ANKRD35: variants seen among roughly 807,000 people sequenced by gnomAD.
ANKRD35 encodes the protein ankyrin repeat domain-containing protein 35.
Under a neutral mutation model 109.9 loss-of-function variants are expected in ANKRD35, and 102 were observed. The ratio of observed to expected loss-of-function variants is 0.93; its 90% CI spans 0.79 to 1.09. The LOEUF (loss-of-function observed/expected upper bound fraction) is 1.09. Ranked by LOEUF, ANKRD35 falls within the 50% of genes least tolerant of loss-of-function variation. ANKRD35 has a pLI of 0.00. For missense variants in ANKRD35, 1,240 were observed against 1,230.1 expected (o/e 1.01, Z -0.12); for synonymous variants, 515 against 512.4 (o/e 1.01, Z -0.07).
intron 1 of ANKRD35, among the ~76,000 whole-genome samples, chr1:145,881,914 G>A (rs1020866164): frequency 1.3e-5 from 2 of 148,940 alleles, no homozygotes; most frequent in Non-Finnish European, 3.0e-5. Context: ...TGGTAAAGAT[G>A]CTTCTTAGCA....
chr1:145,880,182 CA>C (rs1187465755), intron 1 of ANKRD35, among the ~76,000 whole-genome samples: 1 of 152,128 alleles, frequency 6.6e-6, no homozygotes, highest in African/African-American at 2.4e-5. Context: ...TCTATCATTC[CA>C]GCTTGGGTTT....
chr1:145,875,864 C>A (rs1164442533), intron 7 of ANKRD35, among the ~76,000 whole-genome samples: 1 of 152,184 alleles, frequency 6.6e-6, no homozygotes, highest in African/African-American at 2.4e-5. Flanking sequence ...AAAGGATCCT[C>A]TTGCATAAAA....
chr1:145,877,373 C>G (rs1398297677), intron 4 of ANKRD35, among the ~76,000 whole-genome samples: 1 of 151,928 alleles, frequency 6.6e-6, no homozygotes, highest in Non-Finnish European at 1.5e-5. Flanking sequence ...ACTGGGACTA[C>G]AGGCACGTGC....
intron 3 of ANKRD35, 138 bp from the exon 4 acceptor site, chr1:145,878,170 C>G: frequency 2.1e-6 from 2 of 974,632 alleles, no homozygotes; most frequent in East Asian, 2.4e-5. Flanking sequence ...CCAGAAATTC[C>G]TGTTCCCCAA....
chr1:145,867,906 C>T, intron 12 of ANKRD35, 85 bp downstream of exon 12: 1 of 1,337,278 alleles, frequency 7.5e-7, no homozygotes, highest in South Asian at 1.2e-5. Flanking sequence ...GTACAGGGAC[C>T]CTGGAGAAGA....
chr1:145,873,713 G>A lies in ANKRD35; in HGVS notation c.1056C>T (p.Pro352=), dbSNP rs1653944047. The change falls in exon 10 of 14, where the codon CCC becomes CCT. Residue 352 remains proline, a synonymous_variant. Coordinates refer to ENST00000355594, the MANE Select transcript of ANKRD35 (RefSeq NM_144698.5). ...TAGAGCCTTGCTTTCCTGAAGCTCT[G>A]GGCTCCCAGGATAGGAGGACCCCTA... is the stretch of plus-strand genomic sequence containing the variant. ...QELGVLLSWE[P]RASGKQGSSL... is the part of the protein sequence containing the mutation. 4 of 1,613,842 alleles carry A rather than the reference G, an allele frequency of 2.5e-6. No individual in the cohort carries two copies. The highest frequency in any genetic ancestry group is 1.7e-5 in the Admixed American group (1 of 59,974).
chr1:145,869,117 A>T (rs587748089), intron 10 of ANKRD35, among the ~76,000 whole-genome samples: 35 of 150,002 alleles, frequency 2.3e-4, no homozygotes, highest in Middle Eastern at 6.8e-3. Context: ...AAAAAAATTT[A>T]AAAAAAAAAC....
rs1654202549 is a variant in ANKRD35, at chr1:145,879,314, G to C, written c.114C>G (p.Ala38=). ...GTCGGGCAGATTTCCTGGAGGCCAG[G>C]GCAGCCACGCGTCCCACATCCCCCC... ...VHRGDVGRVA[A]LASRKSARPT... The change falls in exon 2 of 14, where the codon GCC becomes GCG. Residue 38 remains alanine, a synonymous_variant. Transcript: ENST00000355594. The C allele has an allele frequency of 6.2e-7, 1 of 1,611,228 alleles. No individual in the cohort carries two copies. Among genetic ancestry groups the C allele is most frequent in the Admixed American group, 1.7e-5 (1 of 59,692 alleles).
rs1254730029 is a variant in ANKRD35 at position 145,873,673 on chromosome 1, C to T, written c.1096G>A (p.Gly366Arg). Residue 366 changes from glycine to arginine, a missense_variant, in exon 10 of 14, where the codon GGG becomes AGG. By Grantham distance (125) the Gly-to-Arg change is moderately radical (BLOSUM62 -2). Coordinates refer to ENST00000355594, the MANE Select transcript of ANKRD35 (RefSeq NM_144698.5). ...GKQGSSLRPGGDGMEQGCPKD... is the reference protein window; with the variant it reads ...GKQGSSLRPGRDGMEQGCPKD... Reference sequence around the variant, plus strand: ...GGACAACCCTGCTCCATGCCATCCCCTCCAGGCCGGAGACTAGAGCCTTGC... The same window carrying T: ...GGACAACCCTGCTCCATGCCATCCCTTCCAGGCCGGAGACTAGAGCCTTGC... The T allele has an allele frequency of 6.2e-7, 1 of 1,614,150 alleles. No individual in the cohort carries two copies. The highest frequency in any genetic ancestry group is 1.6e-4 in the Middle Eastern group (1 of 6,062).
rs1444195383 is a variant in ANKRD35 at position 145,866,677 on chromosome 1, T to C, written c.*132A>G. On this transcript the variant is annotated 3_prime_UTR_variant, in exon 14 of 14. Transcript: ENST00000355594. ...CAGGTCTGAGGTCCATAATGTCAGG[T>C]GAAGCCCTGCCCATACCATTGCCTA... is the stretch of plus-strand genomic sequence containing the variant. 1 of 152,458 alleles carries C rather than the reference T, an allele frequency of 6.6e-6. No homozygotes were observed. The highest frequency in any genetic ancestry group is 1.5e-5 in the Non-Finnish European group (1 of 68,320). The allele number at this position is 152,458 out of a possible 1,614,324, so 9.4% of individuals were successfully genotyped here. A position where few individuals can be genotyped will look rare whatever the true frequency, so the allele number is the denominator to read the frequency against.
intron 10 of ANKRD35, among the ~76,000 whole-genome samples, chr1:145,869,969 T>C (rs1553738309): frequency 6.6e-6 from 1 of 152,200 alleles, no homozygotes; most frequent in Non-Finnish European, 1.5e-5. Flanking sequence ...TGAGTCCTTA[T>C]GGCTTATTGA....
intron 10 of ANKRD35, among the ~76,000 whole-genome samples, chr1:145,871,153 CTTTTTTTTT>C (rs59433424): frequency 1.3e-5 from 1 of 78,096 alleles, no homozygotes; most frequent in Non-Finnish European, 2.6e-5. Context: ...TTTCTTTTTT[CTTTTTTTTT>C]TTTTTTTTTT....
chr1:145,872,677 T>A lies in ANKRD35; in HGVS notation c.2092A>T (p.Ser698Cys). ...TCCCACAGCCCTCGGAGACCGCTGC[T>A]CTGGGAGGCCAGGAGCTTCCGCAGC... ...EKLRKLLASQ[S>C]SGLRGLWDCL... Residue 698 changes from serine to cysteine, a missense_variant, in exon 10 of 14, where the codon AGC becomes TGC. Transcript: ENST00000355594. The A allele has an allele frequency of 1.2e-6, 2 of 1,614,088 alleles. No homozygotes were observed. Among genetic ancestry groups the A allele is most frequent in the Non-Finnish European group, 8.5e-7 (1 of 1,179,994 alleles).
intron 1 of ANKRD35, 25 bp downstream of exon 1, chr1:145,885,695 T>C: frequency 6.2e-7 from 1 of 1,613,138 alleles, no homozygotes. Context: ...CCCAACCCCA[T>C]CCTCCCACAC....
At chr1:145,884,406 C>A (rs1654402957) in intron 1 of ANKRD35, among the ~76,000 whole-genome samples, 1 of 152,200 alleles carries the variant, frequency 6.6e-6, no homozygotes, top group South Asian at 2.1e-4. Context: ...CTGTAACCTG[C>A]CCATGCAGAA....
rs889631893 is a variant in ANKRD35 at position 145,885,849 on chromosome 1, A to T, written c.-91T>A. 1.1e-4 allele frequency: 107 copies of T among 996,812 alleles called. No individual in the cohort carries two copies. The highest frequency in any genetic ancestry group is 1.2e-4 in the Non-Finnish European group (78 of 629,490). 61.7% of individuals were successfully genotyped at this position (996,812 alleles called of 1,614,324 possible). The stretch of plus-strand genomic sequence containing the variant: ...CCGGACTTGGCTGCGGCTGTGCAAG[A>T]GACAGCTGTCAAAAAGCAGAGCGGG... On this transcript the variant is annotated 5_prime_UTR_variant, in exon 1 of 14. Coordinates refer to ENST00000355594, the MANE Select transcript of ANKRD35 (RefSeq NM_144698.5).
intron 10 of ANKRD35, among the ~76,000 whole-genome samples, chr1:145,870,595 C>T (rs979917157): frequency 1.3e-4 from 20 of 152,270 alleles, no homozygotes; most frequent in Admixed American, 9.8e-4. Context: ...ACTTCTCCTT[C>T]AATGCAACAT....
intron 2 of ANKRD35, 58 bp downstream of exon 2, chr1:145,879,200 T>G: frequency 6.7e-7 from 1 of 1,503,452 alleles, no homozygotes; most frequent in Non-Finnish European, 8.9e-7. Flanking sequence ...TTATATTGGA[T>G]TTGGGGGCTT....
chr1:145,874,723 C>T (rs1553739699), intron 8 of ANKRD35, 99 bp downstream of exon 8: 2 of 1,362,392 alleles, frequency 1.5e-6, no homozygotes, highest in Non-Finnish European at 1.9e-6. Context: ...ACCCAGGTGA[C>T]AATTATTTGT....
Sources: allele counts gnomAD v4.1 joint callset (sites outside exome capture counted in the v4.1 genomes callset), GRCh38; gene constraint gnomAD v4.1.1; transcripts MANE v1.5; gene names NCBI Gene and HGNC (gene_info 2026-07-23, HGNC 2026-07-21).